The following RERGL variants were observed in gnomAD, a reference collection of about 807,000 sequenced individuals.
The protein encoded by RERGL is ras-related and estrogen-regulated growth inhibitor-like protein.
In RERGL, 22 loss-of-function variants were observed where a neutral mutation model predicts 24.7. The observed-to-expected ratio is 0.89, with a 90% CI of 0.64 to 1.27. The LOEUF (loss-of-function observed/expected upper bound fraction) is 1.27, where lower values mean the gene tolerates loss of function less well. Among genes scored for constraint, RERGL ranks in the 50% most tolerant of loss-of-function variants. The pLI, the probability that RERGL is intolerant of heterozygous loss-of-function variation, is 0.00. For missense variants in RERGL, 259 were observed against 235.3 expected (o/e 1.10, Z -0.66); for synonymous variants, 76 against 82.6 (o/e 0.92, Z 0.43).
At position 18,080,913 on chromosome 12, in the gene RERGL, G is replaced by T; in HGVS notation, c.*278C>A. 8 of 242,616 alleles carry T rather than the reference G, an allele frequency of 3.3e-5. No homozygotes were observed. Among genetic ancestry groups the T allele is most frequent in the South Asian group, 1.4e-4 (1 of 7,228 alleles). 15.0% of individuals were successfully genotyped at this position (242,616 alleles called of 1,614,324 possible). A position where few individuals can be genotyped will look rare whatever the true frequency, so the allele number is the denominator to read the frequency against. ...AAATTCACATAAACAGAGTTTATTTGGCAAGGCAAACTGGGATCGCTGTCC... is the reference window on the plus strand; with the variant it reads ...AAATTCACATAAACAGAGTTTATTTTGCAAGGCAAACTGGGATCGCTGTCC... On this transcript the variant is annotated 3_prime_UTR_variant, in exon 5 of 5. Transcript: ENST00000538724.
intron 1 of RERGL, 34 bp downstream of exon 1, chr12:18,090,055 A>G (rs1247224252): frequency 6.7e-7 from 1 of 1,487,768 alleles, no homozygotes; most frequent in East Asian, 2.5e-5. Context: ...CTCTTTCTAC[A>G]CTCTATGATA....
chr12:18,084,648 G>A lies in RERGL; in HGVS notation c.201C>T (p.Phe67=). The A allele has an allele frequency of 6.2e-7, 1 of 1,609,220 alleles. No individual in the cohort carries two copies. Among genetic ancestry groups the A allele is most frequent in the Non-Finnish European group, 8.5e-7 (1 of 1,178,372 alleles). ...CCCAGTGAAGCTCACTTGTGAGGGA[G>A]AATTTTGCTTTCTGTGTCTGAAAAT... ...DPCSQTQKAK[F]SLTSELHWAD... The change falls in exon 4 of 5, where the codon TTC becomes TTT. Residue 67 remains phenylalanine, a synonymous_variant. Coordinates refer to ENST00000538724, the MANE Select transcript of RERGL (RefSeq NM_001286201.2).
intron 2 of RERGL, among the ~76,000 whole-genome samples, chr12:18,086,917 A>G (rs140648559): frequency 4.1e-4 from 63 of 152,172 alleles, no homozygotes; most frequent in African/African-American, 1.5e-3. Context: ...ACCTTCTACA[A>G]TTTTCCATTT....
intron 2 of RERGL, among the ~76,000 whole-genome samples, 175 bp from the exon 3 acceptor site, chr12:18,085,868 T>TG (rs1947215250): frequency 1.7e-5 from 1 of 59,548 alleles, no homozygotes; most frequent in East Asian, 1.1e-3. Context: ...TTTTTTTTTT[T>TG]TGAGCCACAG....
chr12:18,089,214 C>T lies in RERGL; in HGVS notation c.53-258G>A, dbSNP rs200224488. On this transcript the variant is annotated intron_variant, in intron 1 of 4. Transcript: ENST00000538724. ...TGCAGTTAATTCATTACCACAAAAA[C>T]ATAAGGCCACTTACCTTTTGTAACA... The T allele has an allele frequency of 3.9e-5, 63 of 1,602,574 alleles. No individual in the cohort carries two copies. In the Middle Eastern group the frequency reaches 9.5e-4, roughly 24 times the overall value.
chr12:18,089,298 T>C (rs1947248450), intron 1 of RERGL: 2 of 1,594,644 alleles, frequency 1.3e-6, no homozygotes, highest in African/African-American at 1.3e-5. Context: ...TTATTTTCTC[T>C]GTCAAACTCA....
At chr12:18,085,157 C>T (rs770405846) in intron 3 of RERGL, among the ~76,000 whole-genome samples, 3 of 152,096 alleles carry the variant, frequency 2.0e-5, no homozygotes, top group Non-Finnish European at 2.9e-5. Context: ...GAATAAATGG[C>T]CACTTTTCTC....
chr12:18,082,338 C>T (rs939616801), intron 4 of RERGL, among the ~76,000 whole-genome samples: 2 of 151,856 alleles, frequency 1.3e-5, no homozygotes, highest in Non-Finnish European at 2.9e-5. Flanking sequence ...ATTGGAAGGT[C>T]GAGGGTGGGA....
chr12:18,084,993 C>CATTT (rs10672311), intron 3 of RERGL, among the ~76,000 whole-genome samples: 63,959 of 151,584 alleles, frequency 0.42, 13,548 homozygotes, highest in East Asian at 0.59. Context: ...GAAAATATAT[C>CATTT]ATTTATCTGT....
intron 1 of RERGL, chr12:18,089,280 A>C: frequency 6.2e-7 from 1 of 1,604,674 alleles, no homozygotes; most frequent in Non-Finnish European, 8.5e-7. Flanking sequence ...AAGAAGTTTG[A>C]CATCTGTTTA....
At chr12:18,089,048 A>C in intron 1 of RERGL, 92 bp from the exon 2 acceptor site, 1 of 1,192,038 alleles carries the variant, frequency 8.4e-7, no homozygotes, top group South Asian at 1.3e-5. Context: ...TTAAACCAAA[A>C]ATATTCAAGA....
At chr12:18,081,584 A>T in intron 4 of RERGL, 111 bp from the exon 5 acceptor site, 1 of 1,026,446 alleles carries the variant, frequency 9.7e-7, no homozygotes, top group Non-Finnish European at 1.4e-6. Context: ...AAAAGAAAAA[A>T]TATTGTGTGT....
At chr12:18,089,967 G>A (rs1450359450) in intron 1 of RERGL, 122 bp downstream of exon 1, 8 of 654,834 alleles carry the variant, frequency 1.2e-5, no homozygotes, top group Admixed American at 3.7e-5. Flanking sequence ...GTGAGATAAT[G>A]TTATTATAGA....
intron 3 of RERGL, 81 bp from the exon 4 acceptor site, chr12:18,084,746 C>A (rs567893645): frequency 8.7e-7 from 1 of 1,153,228 alleles, no homozygotes; most frequent in South Asian, 1.7e-5. Flanking sequence ...CTAATGGAGA[C>A]CCACTTCCGC....
At chr12:18,084,056 T>A (rs1947196611) in intron 4 of RERGL, among the ~76,000 whole-genome samples, 1 of 152,188 alleles carries the variant, frequency 6.6e-6, no homozygotes, top group Non-Finnish European at 1.5e-5. Context: ...TTCTCATATT[T>A]AGAATTTGTA....
intron 4 of RERGL, among the ~76,000 whole-genome samples, chr12:18,084,259 T>C (rs1321116374): frequency 6.6e-6 from 1 of 151,980 alleles, no homozygotes; most frequent in African/African-American, 2.4e-5. Context: ...TGCAAGGGAG[T>C]GTCATGTTAA....
At chr12:18,088,334 C>G (rs922176128) in intron 2 of RERGL, among the ~76,000 whole-genome samples, 3 of 151,722 alleles carry the variant, frequency 2.0e-5, no homozygotes, top group Admixed American at 6.6e-5. Flanking sequence ...TAATTCTAGT[C>G]AAAAAACAGA....
At chr12:18,088,872 G>A in intron 2 of RERGL, 28 bp downstream of exon 2, 1 of 1,429,938 alleles carries the variant, frequency 7.0e-7, no homozygotes. Flanking sequence ...AAAGTTTTAA[G>A]GTAAAAATGT....
At chr12:18,086,003 G>A (rs952347072) in intron 2 of RERGL, among the ~76,000 whole-genome samples, 31 of 150,152 alleles carry the variant, frequency 2.1e-4, no homozygotes, top group Non-Finnish European at 4.3e-4. Context: ...GACTACAGGG[G>A]CTCGCCACCA....
Sources: allele counts gnomAD v4.1 joint callset (sites outside exome capture counted in the v4.1 genomes callset), GRCh38; gene constraint gnomAD v4.1.1; transcripts MANE v1.5; gene names NCBI Gene and HGNC (gene_info 2026-07-23, HGNC 2026-07-21).